Variants in MEGF11 observed in about 807,000 individuals in gnomAD.
The protein encoded by MEGF11 is multiple epidermal growth factor-like domains protein 11.
Under a neutral mutation model 146.6 loss-of-function variants are expected in MEGF11, and 126 were observed. The ratio of observed to expected loss-of-function variants is 0.86; its 90% CI spans 0.74 to 1.00. The LOEUF is 1.00. Ranked by LOEUF, MEGF11 falls within the 50% of genes least tolerant of loss-of-function variation. MEGF11 has a pLI of 0.00. For missense variants in MEGF11, 1,509 were observed against 1,521.2 expected, an observed-to-expected ratio of 0.99 and a Z score of 0.13; for synonymous variants, 532 against 583.4, an observed-to-expected ratio of 0.91 and a Z score of 1.27.
chr15:66,109,605 G>A (rs1054130872), intron 4 of MEGF11, among the ~76,000 whole-genome samples: 4 of 152,168 alleles, frequency 2.6e-5, no homozygotes, highest in African/African-American at 4.8e-5. Flanking sequence ...CAACGTGCTC[G>A]GGGGCACACA....
intron 1 of MEGF11, among the ~76,000 whole-genome samples, chr15:66,237,672 A>C (rs1157572722): frequency 6.6e-6 from 1 of 152,178 alleles, no homozygotes; most frequent in Non-Finnish European, 1.5e-5. Context: ...GTAATCCTTG[A>C]AGACACTGGC....
At chr15:66,071,205 G>T (rs1254960969) in intron 5 of MEGF11, among the ~76,000 whole-genome samples, 1 of 152,180 alleles carries the variant, frequency 6.6e-6, no homozygotes, top group East Asian at 1.9e-4. Context: ...ACACCTACCT[G>T]TTCAGGCCCT....
chr15:65,953,542 C>T (rs77976268), intron 10 of MEGF11, among the ~76,000 whole-genome samples: 27,308 of 152,136 alleles, frequency 0.18, 2,729 homozygotes, highest in Non-Finnish European at 0.23. Context: ...ATAAGTCAGA[C>T]GAAGCATGCA....
intron 15 of MEGF11, chr15:65,921,988 C>T: frequency 3.7e-6 from 1 of 273,000 alleles, no homozygotes; most frequent in South Asian, 3.8e-5. Context: ...TCTGCCTTTA[C>T]CCTTGGCACT....
Position 65,910,359 on chromosome 15 carries a change from GGATGGTTATCCTCATTTCACA to G in MEGF11, c.2830-574_2830-554del, listed in dbSNP as rs374804654. Among the ~76,000 whole-genome samples, 1,444 of 152,286 alleles carry G rather than the reference GGATGGTTATCCTCATTTCACA, an allele frequency of 9.5e-3. 25 individuals carry two copies. The highest frequency in any genetic ancestry group is 0.032 in the African/African-American group (1,349 of 41,542). On this transcript the variant is annotated intron_variant, in intron 21 of 25. Transcript: ENST00000395614. Reference sequence around the variant, plus strand: ...CACAGCTGCCCTTCATATGAGGCAAGGATGGTTATCCTCATTTCACAGATGGCGACCTGAGTCCTGACTTGC... The same window carrying G: ...CACAGCTGCCCTTCATATGAGGCAAGGATGGCGACCTGAGTCCTGACTTGC...
At chr15:65,899,981 A>G (rs2078454213) in intron 24 of MEGF11, among the ~76,000 whole-genome samples, 1 of 152,130 alleles carries the variant, frequency 6.6e-6, no homozygotes, top group Non-Finnish European at 1.5e-5. Context: ...AGGAAAGGGG[A>G]TTCCCTCTTT....
chr15:65,929,560 A>T (rs2079497082), intron 12 of MEGF11, among the ~76,000 whole-genome samples, 160 bp downstream of exon 12: 1 of 152,248 alleles, frequency 6.6e-6, no homozygotes, highest in South Asian at 2.1e-4. Flanking sequence ...GTAGTAAAAT[A>T]GCCACAGAGA....
chr15:65,965,617 T>C (rs558712870), intron 8 of MEGF11, among the ~76,000 whole-genome samples: 140 of 112,696 alleles, frequency 1.2e-3, no homozygotes, highest in Middle Eastern at 5.6e-3. Context: ...TTTTTTCTTT[T>C]TTTTTTTTTT....
chr15:65,956,309 C>T (rs2080636626), intron 10 of MEGF11, among the ~76,000 whole-genome samples: 1 of 152,170 alleles, frequency 6.6e-6, no homozygotes, highest in African/African-American at 2.4e-5. Context: ...AGGCCCCATC[C>T]CAGACTGACT....
intron 15 of MEGF11, among the ~76,000 whole-genome samples, chr15:65,920,892 A>G (rs1256708310): frequency 6.6e-6 from 1 of 152,224 alleles, no homozygotes; most frequent in African/African-American, 2.4e-5. Context: ...GCAGCATCTG[A>G]GAGTTACTCC....
intron 5 of MEGF11, among the ~76,000 whole-genome samples, chr15:66,028,448 G>A (rs2083411123): frequency 6.6e-6 from 1 of 152,138 alleles, no homozygotes; most frequent in Admixed American, 6.5e-5. Flanking sequence ...GTTGAAAATA[G>A]GAATGATCAA....
chr15:66,248,270 A>G (rs1238757726), intron 1 of MEGF11, among the ~76,000 whole-genome samples: 1 of 152,224 alleles, frequency 6.6e-6, no homozygotes, highest in Non-Finnish European at 1.5e-5. Flanking sequence ...TGAAAGAACC[A>G]ACTATAGGGC....
chr15:65,935,016 C>G (rs1337416189), intron 10 of MEGF11, among the ~76,000 whole-genome samples: 1 of 152,046 alleles, frequency 6.6e-6, no homozygotes, highest in Admixed American at 6.6e-5. Flanking sequence ...GATTTATAGC[C>G]CATCAATTAG....
At chr15:66,094,981 A>G (rs74373189) in intron 4 of MEGF11, among the ~76,000 whole-genome samples, 1 of 152,122 alleles carries the variant, frequency 6.6e-6, no homozygotes, top group East Asian at 1.9e-4. Context: ...CTCCTCCCCA[A>G]ATGTCCCTAT....
In MEGF11 at chr15:66,011,315, C is replaced by T. The variant is rs577395729; in HGVS notation, c.395-28827G>A. Among the ~76,000 whole-genome samples, 25 of 152,244 alleles carry T rather than the reference C, an allele frequency of 1.6e-4. No homozygotes were observed. In the South Asian group the frequency reaches 5.0e-3, roughly 30 times the overall value. ...AGTTCTGGCCAGGGAACCAGGAGGC[C>T]TGGCTCCCTTCCTGGGTAAGCCATT... On this transcript the variant is annotated intron_variant, in intron 5 of 25. Coordinates refer to ENST00000395614, the MANE Select transcript of MEGF11 (RefSeq NM_001385028.1).
intron 5 of MEGF11, among the ~76,000 whole-genome samples, chr15:66,054,898 A>C (rs944498776): frequency 1.3e-5 from 2 of 152,206 alleles, no homozygotes; most frequent in Non-Finnish European, 2.9e-5. Context: ...GATGAAATAC[A>C]AAAGGGAAGA....
At position 66,075,093 on chromosome 15, in the gene MEGF11, T is replaced by G. The variant is rs1432616311; in HGVS notation, c.394+19309A>C. On this transcript the variant is annotated intron_variant, in intron 5 of 25. Transcript: ENST00000395614. ...TCTTCTCCCAAACTACAGCTTGCCA[T>G]TTTACTTTGTTTAGGGTGTCAAAAG... Among the ~76,000 whole-genome samples, 3 of 152,190 alleles carry G rather than the reference T, an allele frequency of 2.0e-5. No homozygotes were observed. In the South Asian group the frequency reaches 6.2e-4, roughly 31 times the overall value.
intron 10 of MEGF11, among the ~76,000 whole-genome samples, chr15:65,953,931 C>T (rs961678242): frequency 6.6e-6 from 1 of 152,130 alleles, no homozygotes; most frequent in African/African-American, 2.4e-5. Flanking sequence ...CTAGAGTCTA[C>T]TTTCATAAAG....
chr15:65,921,455 G>C (rs572178519), intron 15 of MEGF11, among the ~76,000 whole-genome samples: 2 of 152,244 alleles, frequency 1.3e-5, no homozygotes, highest in Admixed American at 1.3e-4. Flanking sequence ...CTTTGCCCAA[G>C]CTGCTTCCTC....
Sources: gnomAD v4.1 joint callset for allele counts (sites outside exome capture counted in the v4.1 genomes callset) on GRCh38, gnomAD v4.1.1 for gene constraint, MANE v1.5 for transcripts, NCBI Gene and HGNC (gene_info 2026-07-23, HGNC 2026-07-21) for gene names.